Variants in EPS15L1 observed in about 807,000 individuals in gnomAD.
EPS15L1 encodes epidermal growth factor receptor substrate 15-like 1.
Under a neutral mutation model 117.1 loss-of-function variants are expected in EPS15L1, and 43 were observed. The ratio of observed to expected loss-of-function variants is 0.37; its 90% CI spans 0.29 to 0.47. The LOEUF is 0.47. Among genes scored for constraint, EPS15L1 ranks in the 20% least tolerant of loss-of-function variants. The probability of loss-of-function intolerance (pLI) is 0.99; values close to 1 mark genes in which losing one functional copy is unlikely to be tolerated. For synonymous variants in EPS15L1, 459 were observed against 470.5 expected, an observed-to-expected ratio of 0.98 and a Z score of 0.32; for missense variants, 981 against 1,164.0, an observed-to-expected ratio of 0.84 and a Z score of 2.29.
intron 18 of EPS15L1, 98 bp downstream of exon 18, chr19:16,393,853 C>T: frequency 1.7e-6 from 2 of 1,203,868 alleles, no homozygotes; most frequent in East Asian, 2.3e-5. Context: ...ACATGGCTGC[C>T]ATCCCCGGTG....
chr19:16,467,516 G>GA (rs1163450132), intron 1 of EPS15L1, among the ~76,000 whole-genome samples: 1 of 149,246 alleles, frequency 6.7e-6, no homozygotes, highest in African/African-American at 2.5e-5. Flanking sequence ...CTATTTAGTC[G>GA]AAAAAACAAC....
chr19:16,426,156 T>C (rs1194690676), intron 8 of EPS15L1, among the ~76,000 whole-genome samples: 1 of 152,100 alleles, frequency 6.6e-6, no homozygotes, highest in Admixed American at 6.5e-5. Context: ...GTGATGAATG[T>C]CAACATGGCA....
intron 3 of EPS15L1, 57 bp from the exon 4 acceptor site, chr19:16,440,966 A>G: frequency 6.3e-7 from 1 of 1,576,740 alleles, no homozygotes; most frequent in African/African-American, 1.3e-5. Flanking sequence ...CCACGTGTTA[A>G]CAAAAACCAG....
chr19:16,428,637 C>T, intron 8 of EPS15L1, 65 bp downstream of exon 8: 1 of 1,174,120 alleles, frequency 8.5e-7, no homozygotes, highest in Non-Finnish European at 1.2e-6. Flanking sequence ...CAAACGAATC[C>T]AGCAACCCCT....
At chr19:16,468,212 C>T (rs773084052) in intron 1 of EPS15L1, among the ~76,000 whole-genome samples, 15 of 152,166 alleles carry the variant, frequency 9.9e-5, no homozygotes, top group Non-Finnish European at 2.1e-4. Flanking sequence ...ACGGCAGGAG[C>T]TCACAGTGAT....
At chr19:16,375,516 C>T (rs776429665) in intron 22 of EPS15L1, among the ~76,000 whole-genome samples, 31 of 151,926 alleles carry the variant, frequency 2.0e-4, no homozygotes, top group Non-Finnish European at 4.0e-4. Context: ...ATCTTTTAGG[C>T]AGAGTGAAGA....
intron 22 of EPS15L1, among the ~76,000 whole-genome samples, chr19:16,367,420 G>A (rs2092148467): frequency 6.7e-6 from 1 of 149,412 alleles, no homozygotes; most frequent in Admixed American, 6.7e-5. Context: ...TTACCCAAGC[G>A]GTGTACCGAA....
At chr19:16,361,271 C>A (rs987887890) in intron 23 of EPS15L1, among the ~76,000 whole-genome samples, 5 of 132,442 alleles carry the variant, frequency 3.8e-5, no homozygotes, top group African/African-American at 5.5e-5. Flanking sequence ...AAAAAAAAAA[C>A]TTCAAATTGC....
chr19:16,391,830 T>C (rs1160358385), intron 19 of EPS15L1, among the ~76,000 whole-genome samples: 1 of 152,036 alleles, frequency 6.6e-6, no homozygotes, highest in Non-Finnish European at 1.5e-5. Context: ...CACTTACTCC[T>C]GCCGTGACGG....
chr19:16,411,936 C>T (rs1407288848), intron 13 of EPS15L1, among the ~76,000 whole-genome samples: 3 of 152,102 alleles, frequency 2.0e-5, no homozygotes, highest in African/African-American at 7.2e-5. Flanking sequence ...TGGGCTCAAG[C>T]GATCCTCCGG....
intron 1 of EPS15L1, among the ~76,000 whole-genome samples, chr19:16,466,374 G>A (rs2145204004): frequency 6.6e-6 from 1 of 152,104 alleles, no homozygotes; most frequent in Middle Eastern, 3.4e-3. Context: ...GACCTTTCCT[G>A]ACCTCCATCA....
intron 12 of EPS15L1, among the ~76,000 whole-genome samples, chr19:16,414,245 C>T (rs1160908197): frequency 6.6e-6 from 1 of 152,028 alleles, no homozygotes; most frequent in South Asian, 2.1e-4. Context: ...AAAAAGAGAC[C>T]TCGGACCCCC....
In EPS15L1 at chr19:16,470,108, G is replaced by A. The variant is rs146103489; in HGVS notation, c.33+1805C>T. ...TAAGAAGTCAGTGACCTGGCCAGGC[G>A]CAGTGGCTAACGCCTGTAATCCCAG... On this transcript the variant is annotated intron_variant, in intron 1 of 23. Coordinates refer to ENST00000455140, the MANE Select transcript of EPS15L1 (RefSeq NM_001258374.3). Among the ~76,000 whole-genome samples, 401 of 152,292 alleles carry A rather than the reference G, an allele frequency of 2.6e-3. 11 individuals are homozygous for A. In the East Asian group the frequency reaches 0.063, roughly 24 times the overall value.
At chr19:16,410,495 C>T (rs2092696664) in intron 13 of EPS15L1, among the ~76,000 whole-genome samples, 1 of 152,166 alleles carries the variant, frequency 6.6e-6, no homozygotes, top group African/African-American at 2.4e-5. Flanking sequence ...AAATTCACTC[C>T]CAGGTATACA....
intron 1 of EPS15L1, among the ~76,000 whole-genome samples, chr19:16,465,312 G>T (rs185857103): frequency 6.6e-6 from 1 of 152,204 alleles, no homozygotes; most frequent in East Asian, 1.9e-4. Flanking sequence ...CTCTGCTGTG[G>T]GCCGGGCCTG....
In EPS15L1 at chr19:16,365,561, G is replaced by GGGAGCCACC. The variant is rs1347787722; in HGVS notation, c.2381-3586_2381-3578dup. ...GGCTGAGATAGAGCAAGTGTGAGCA[G>GGGAGCCACC]GGAGCCACCAAAGCCACCGGCAGGG... On this transcript the variant is annotated intron_variant, in intron 22 of 23. Transcript: ENST00000455140. This position sits in a 1 kb window ranked among gnomAD's most constrained non-coding sequence, Gnocchi z 4.9. Among the ~76,000 whole-genome samples the GGGAGCCACC allele has an allele frequency of 2.0e-5, 3 of 152,204 alleles. No homozygotes were observed. The highest frequency in any genetic ancestry group is 4.4e-5 in the Non-Finnish European group (3 of 68,026).
At chr19:16,357,451 T>C (rs932732045) in intron 23 of EPS15L1, 1 of 152,278 alleles carries the variant, frequency 6.6e-6, no homozygotes, top group Non-Finnish European at 1.5e-5. Context: ...AGCTGGGATT[T>C]CCCCGTGGAG....
intron 22 of EPS15L1, among the ~76,000 whole-genome samples, chr19:16,373,656 G>A (rs1368099958): frequency 6.6e-6 from 1 of 152,122 alleles, no homozygotes; most frequent in African/African-American, 2.4e-5. Context: ...GCTGCACGTG[G>A]GTCTGTGCCG....
intron 1 of EPS15L1, among the ~76,000 whole-genome samples, chr19:16,450,738 C>T (rs891649628): frequency 2.0e-4 from 31 of 152,020 alleles, no homozygotes; most frequent in Non-Finnish European, 4.6e-4. Flanking sequence ...CCGCCTCAGC[C>T]TCCCAAAGTG....
Sources: gnomAD v4.1 joint callset for allele counts (sites outside exome capture counted in the v4.1 genomes callset) on GRCh38, gnomAD v4.1.1 for gene constraint, Gnocchi (gnomAD v3.1) non-coding constraint, MANE v1.5 for transcripts, NCBI Gene and HGNC (gene_info 2026-07-23, HGNC 2026-07-21) for gene names.